The following MSH3 variants were observed in gnomAD, a reference collection of about 807,000 sequenced individuals.
MSH3 encodes the protein mutS homolog 3, also known as DNA mismatch repair protein Msh3.
MSH3 carries 106 observed loss-of-function variants against 123.3 expected under a neutral mutation model. The ratio of observed to expected loss-of-function variants is 0.86; its 90% CI spans 0.73 to 1.01. The LOEUF is 1.01. Ranked by LOEUF, MSH3 falls within the 50% of genes least tolerant of loss-of-function variation. MSH3 has a pLI of 0.00. For synonymous variants in MSH3, 515 were observed against 481.4 expected (o/e 1.07, Z -0.91); for missense variants, 1,459 against 1,347.6 (o/e 1.08, Z -1.29).
chr5:80,836,121 A>T (rs1339999608), intron 20 of MSH3, among the ~76,000 whole-genome samples: 1 of 152,202 alleles, frequency 6.6e-6, no homozygotes, highest in African/African-American at 2.4e-5. Context: ...AATACTGTAC[A>T]AGGATATCGT....
At chr5:80,706,616 A>G (rs1377222603) in intron 8 of MSH3, among the ~76,000 whole-genome samples, 3 of 152,220 alleles carry the variant, frequency 2.0e-5, no homozygotes, top group African/African-American at 7.2e-5. Context: ...ATAATGGATG[A>G]CATTTAGACT....
At chr5:80,702,550 T>G (rs1750634482) in intron 8 of MSH3, among the ~76,000 whole-genome samples, 1 of 152,146 alleles carries the variant, frequency 6.6e-6, no homozygotes. Context: ...TAACTGCATG[T>G]GGTTAGTAGC....
chr5:80,797,411 G>T (rs1744716660), intron 19 of MSH3, among the ~76,000 whole-genome samples: 1 of 152,158 alleles, frequency 6.6e-6, no homozygotes, highest in Admixed American at 6.5e-5. Context: ...GAAGCCTTCA[G>T]CAGTCTCCAA....
chr5:80,805,578 GCCC>G (rs35730651), intron 19 of MSH3, among the ~76,000 whole-genome samples: 11 of 71,110 alleles, frequency 1.5e-4, no homozygotes, highest in Admixed American at 3.5e-4. Flanking sequence ...TCAATATGAT[GCCC>G]CCCCCCCCTA....
intron 20 of MSH3, among the ~76,000 whole-genome samples, chr5:80,841,366 C>T (rs1286920531): frequency 2.6e-5 from 4 of 152,160 alleles, no homozygotes; most frequent in South Asian, 2.1e-4. Flanking sequence ...AATGAACGTA[C>T]GTGTGCATGT....
At chr5:80,796,538 A>T (rs1040674837) in intron 19 of MSH3, among the ~76,000 whole-genome samples, 2 of 152,196 alleles carry the variant, frequency 1.3e-5, no homozygotes, top group South Asian at 4.1e-4. Flanking sequence ...CGTAAAATTC[A>T]ATTTAAAATA....
intron 19 of MSH3, among the ~76,000 whole-genome samples, chr5:80,798,740 G>A (rs909737374): frequency 1.3e-4 from 20 of 152,236 alleles, no homozygotes; most frequent in Admixed American, 9.8e-4. Context: ...TGAAACAATG[G>A]ATAGAGAAGG....
intron 4 of MSH3, among the ~76,000 whole-genome samples, chr5:80,671,937 T>A (rs889534004): frequency 5.3e-5 from 8 of 152,194 alleles, no homozygotes; most frequent in African/African-American, 1.9e-4. Flanking sequence ...TCATGATCTC[T>A]GTATTGGATA....
intron 20 of MSH3, among the ~76,000 whole-genome samples, chr5:80,852,162 CAAAA>C (rs1745841212): frequency 6.6e-6 from 1 of 152,054 alleles, no homozygotes; most frequent in African/African-American, 2.4e-5. Context: ...CTTGACTCTA[CAAAA>C]AATTTAAAAA....
chr5:80,859,840 G>A (rs1424521682), intron 21 of MSH3, among the ~76,000 whole-genome samples: 1 of 151,712 alleles, frequency 6.6e-6, no homozygotes, highest in Non-Finnish European at 1.5e-5. Flanking sequence ...AGCCTCCCAG[G>A]TAGCTGGGAG....
At chr5:80,655,819 C>T (rs1157601873) in intron 1 of MSH3, among the ~76,000 whole-genome samples, 7 of 151,884 alleles carry the variant, frequency 4.6e-5, no homozygotes, top group Non-Finnish European at 8.8e-5. Context: ...TTTTTGAGGA[C>T]GAGCTACGTT....
At chr5:80,787,501 A>C in intron 17 of MSH3, 64 bp from the exon 18 acceptor site, 4 of 989,820 alleles carry the variant, frequency 4.0e-6, no homozygotes, top group Non-Finnish European at 6.5e-6. Flanking sequence ...TGCTTGTTGT[A>C]GAGCTATTAT....
At chr5:80,674,259 C>T (rs1196367480) in intron 6 of MSH3, among the ~76,000 whole-genome samples, 1 of 152,090 alleles carries the variant, frequency 6.6e-6, no homozygotes, top group Non-Finnish European at 1.5e-5. Flanking sequence ...AGACTTTGCC[C>T]CAAATCAGCT....
intron 17 of MSH3, among the ~76,000 whole-genome samples, chr5:80,787,265 T>C (rs942191522): frequency 7.2e-5 from 11 of 152,236 alleles, no homozygotes; most frequent in African/African-American, 2.7e-4. Flanking sequence ...GCTATATTTA[T>C]GTTATATCTT....
intron 15 of MSH3, among the ~76,000 whole-genome samples, chr5:80,774,059 C>T (rs1047856575): frequency 9.2e-5 from 14 of 152,090 alleles, no homozygotes; most frequent in Non-Finnish European, 1.8e-4. Context: ...TGAGCCATCG[C>T]GCCCGGCCTG....
chr5:80,654,957 C>T lies in MSH3; in HGVS notation c.230C>T (p.Pro77Leu), dbSNP rs1258205404. 3.4e-6 allele frequency: 5 copies of T among 1,475,784 alleles called. No individual in the cohort carries two copies. In the Admixed American group the frequency reaches 1.1e-4, roughly 31 times the overall value. The allele number at this position is 1,475,784 out of a possible 1,614,324, so 91.4% of individuals were successfully genotyped here. The change falls in exon 1 of 24, where the codon CCG becomes CTG. Residue 77 changes from proline to leucine, a missense_variant. Coordinates refer to ENST00000265081, the MANE Select transcript of MSH3 (RefSeq NM_002439.5). ...CCCGCCTTCCCGCCCCAGCTGCCGC[C>T]GCACATAGTAGGTTCTGTCTGGGAC... is the stretch of plus-strand genomic sequence containing the variant. The part of the protein sequence containing the change: ...PAPAFPPQLP[P>L]HIATEIDRRK...
intron 12 of MSH3, chr5:80,746,536 C>G: frequency 2.2e-6 from 1 of 448,502 alleles, no homozygotes; most frequent in Non-Finnish European, 4.4e-6. Context: ...AAAAAGTATT[C>G]CTTGATCGAC....
At chr5:80,674,951 G>A (rs1294160893) in intron 6 of MSH3, 32 bp from the exon 7 acceptor site, 3 of 1,451,684 alleles carry the variant, frequency 2.1e-6, no homozygotes, top group Admixed American at 1.9e-5. Context: ...TTAGAATTTA[G>A]CATATAATTA....
chr5:80,850,366 C>A (rs1161854427), intron 20 of MSH3, among the ~76,000 whole-genome samples: 2 of 152,158 alleles, frequency 1.3e-5, no homozygotes, highest in African/African-American at 4.8e-5. Context: ...AGCAACACCC[C>A]ACTCCTGGTA....
Sources: gnomAD v4.1 joint callset for allele counts (sites outside exome capture counted in the v4.1 genomes callset) on GRCh38, gnomAD v4.1.1 for gene constraint, MANE v1.5 for transcripts, NCBI Gene and HGNC (gene_info 2026-07-23, HGNC 2026-07-21) for gene names.